The following ANKFN1 variants were observed in gnomAD, a reference collection of about 807,000 sequenced individuals.
ANKFN1 encodes ankyrin repeat and fibronectin type-III domain-containing protein 1.
Under a neutral mutation model 108.7 loss-of-function variants are expected in ANKFN1, and 74 were observed. The ratio of observed to expected loss-of-function variants is 0.68; its 90% CI spans 0.56 to 0.83. The LOEUF is 0.83. Ranked by LOEUF, ANKFN1 falls within the 40% of genes least tolerant of loss-of-function variation. The probability of loss-of-function intolerance (pLI) is 0.00; values close to 1 mark genes in which losing one functional copy is unlikely to be tolerated. For synonymous variants in ANKFN1, 547 were observed against 516.2 expected (o/e 1.06, Z -0.81); for missense variants, 1,505 against 1,382.3 (o/e 1.09, Z -1.41).
intron 2 of ANKFN1, among the ~76,000 whole-genome samples, chr17:56,221,416 C>G (rs1915884855): frequency 6.6e-6 from 1 of 151,886 alleles, no homozygotes; most frequent in African/African-American, 2.4e-5. Flanking sequence ...TGAAAGGTGA[C>G]CAAATTATGA....
At chr17:56,313,784 TG>T (rs2045114975) in intron 3 of ANKFN1, among the ~76,000 whole-genome samples, 1 of 152,242 alleles carries the variant, frequency 6.6e-6, no homozygotes, top group African/African-American at 2.4e-5. Context: ...AATTATAATT[TG>T]CATAAAATAC....
At chr17:56,387,498 A>G (rs566223469) in intron 8 of ANKFN1, among the ~76,000 whole-genome samples, 2 of 152,222 alleles carry the variant, frequency 1.3e-5, no homozygotes, top group African/African-American at 2.4e-5. Flanking sequence ...TATTATGCAC[A>G]TATCATATGT....
intron 15 of ANKFN1, among the ~76,000 whole-genome samples, chr17:56,476,192 C>A (rs545194208): frequency 3.3e-5 from 5 of 152,146 alleles, no homozygotes; most frequent in Non-Finnish European, 7.4e-5. Context: ...GGTGGGGACA[C>A]AAATCCAAAC....
chr17:56,181,006 G>T (rs565180288), intron 1 of ANKFN1, among the ~76,000 whole-genome samples: 1 of 152,184 alleles, frequency 6.6e-6, no homozygotes, highest in East Asian at 1.9e-4. Flanking sequence ...GCACATTAAG[G>T]GCTCTTTATT....
intron 8 of ANKFN1, among the ~76,000 whole-genome samples, chr17:56,418,163 T>G (rs1301967049): frequency 6.6e-6 from 1 of 152,234 alleles, no homozygotes; most frequent in Non-Finnish European, 1.5e-5. Flanking sequence ...TATTTCCTGA[T>G]GTTTTGTTCT....
At chr17:56,392,654 G>A (rs112227111) in intron 8 of ANKFN1, among the ~76,000 whole-genome samples, 43 of 152,220 alleles carry the variant, frequency 2.8e-4, no homozygotes, top group African/African-American at 8.7e-4. Context: ...TATTTCACAC[G>A]ATATGGAAAA....
intron 8 of ANKFN1, among the ~76,000 whole-genome samples, chr17:56,380,739 G>T (rs11650408): frequency 1.3e-5 from 2 of 152,106 alleles, no homozygotes; most frequent in South Asian, 4.1e-4. Flanking sequence ...GGGGAGGGGC[G>T]CCCGCCATTG....
chr17:56,235,552 C>A (rs745824580), intron 3 of ANKFN1, among the ~76,000 whole-genome samples: 10 of 152,046 alleles, frequency 6.6e-5, no homozygotes, highest in African/African-American at 2.4e-4. Context: ...GAAAGGGTCC[C>A]GTTTCAATCT....
At chr17:56,106,098 A>G (rs1264739635) in intron 4 of ANKFN1, among the ~76,000 whole-genome samples, 1 of 152,110 alleles carries the variant, frequency 6.6e-6, no homozygotes, top group Non-Finnish European at 1.5e-5. Context: ...TAGAGCTAAG[A>G]CTTTCTAAAT....
At chr17:56,221,284 G>C (rs767759537) in intron 2 of ANKFN1, among the ~76,000 whole-genome samples, 18,912 of 152,114 alleles carry the variant, frequency 0.12, 1,596 homozygotes, top group African/African-American at 0.23. Context: ...CAACACTGGA[G>C]ATTACATTTA....
intron 3 of ANKFN1, among the ~76,000 whole-genome samples, chr17:56,270,940 T>A (rs1314838858): frequency 6.6e-6 from 1 of 152,208 alleles, no homozygotes; most frequent in Non-Finnish European, 1.5e-5. Context: ...AATGTTTAAT[T>A]TTCTTCTTAG....
At chr17:56,072,454 T>C (rs549850853) in intron 4 of ANKFN1, among the ~76,000 whole-genome samples, 1 of 152,322 alleles carries the variant, frequency 6.6e-6, no homozygotes, top group East Asian at 1.9e-4. Flanking sequence ...TAATGGTTCC[T>C]ATTGCATGTT....
At chr17:56,144,776 G>T (rs529153225) in intron 4 of ANKFN1, among the ~76,000 whole-genome samples, 106 of 152,276 alleles carry the variant, frequency 7.0e-4, no homozygotes, top group Admixed American at 5.2e-3. Flanking sequence ...ATGGACAGCC[G>T]AGGAGCATTG....
chr17:56,149,745 A>G (rs564724062), upstream of ANKFN1, among the ~76,000 whole-genome samples: 1 of 152,134 alleles, frequency 6.6e-6, no homozygotes, highest in East Asian at 1.9e-4. Context: ...AAAAAGAAAA[A>G]CCTGTGCTGA....
intron 1 of ANKFN1, among the ~76,000 whole-genome samples, chr17:56,199,099 T>A (rs1913798722): frequency 6.6e-6 from 1 of 152,200 alleles, no homozygotes; most frequent in African/African-American, 2.4e-5. Context: ...TATGAGAATA[T>A]GGCATGGCCC....
chr17:56,271,940 A>G (rs1052259153), intron 3 of ANKFN1, among the ~76,000 whole-genome samples: 3 of 152,168 alleles, frequency 2.0e-5, no homozygotes, highest in Admixed American at 1.3e-4. Flanking sequence ...TAAGTACCAA[A>G]CACAAGATCT....
chr17:56,204,884 G>C (rs1252956845), intron 1 of ANKFN1, among the ~76,000 whole-genome samples: 1 of 151,916 alleles, frequency 6.6e-6, no homozygotes, highest in Non-Finnish European at 1.5e-5. Flanking sequence ...GACCATCCTG[G>C]CTAACACGGT....
chr17:56,362,424 A>G (rs2046546720), intron 6 of ANKFN1, among the ~76,000 whole-genome samples: 1 of 152,240 alleles, frequency 6.6e-6, no homozygotes, highest in African/African-American at 2.4e-5. Flanking sequence ...GGAACAGAAT[A>G]GAGAGCCCAG....
At chr17:56,172,532 G>A (rs1910774937) in intron 1 of ANKFN1, among the ~76,000 whole-genome samples, 1 of 152,116 alleles carries the variant, frequency 6.6e-6, no homozygotes, top group African/African-American at 2.4e-5. Flanking sequence ...GCAGGGCCAT[G>A]AAAGCTGCCA....
Sources: gnomAD v4.1 joint callset for allele counts (sites outside exome capture counted in the v4.1 genomes callset) on GRCh38, gnomAD v4.1.1 for gene constraint, MANE v1.5 for transcripts, NCBI Gene and HGNC (gene_info 2026-07-23, HGNC 2026-07-21) for gene names.